The following ADAMTSL2 variants were observed in gnomAD, a reference collection of about 807,000 sequenced individuals.
ADAMTSL2 encodes ADAMTS-like protein 2.
A neutral mutation model predicts 117.0 loss-of-function variants in ADAMTSL2; 55 were observed. The ratio of observed to expected loss-of-function variants is 0.47; its 90% confidence interval spans 0.38 to 0.59. The LOEUF (loss-of-function observed/expected upper bound fraction) is 0.59. Among genes scored for constraint, ADAMTSL2 ranks in the 20% least tolerant of loss-of-function variants. The pLI is 0.00. For missense variants in ADAMTSL2, 1,182 were observed against 1,354.5 expected, an observed-to-expected ratio of 0.87 and a Z score of 2.00; for synonymous variants, 572 against 566.4, an observed-to-expected ratio of 1.01 and a Z score of -0.14.
At chr9:133,569,275 A>T in intron 15 of ADAMTSL2, 133 bp from the exon 16 acceptor site, 1 of 811,466 alleles carries the variant, frequency 1.2e-6, no homozygotes, top group African/African-American at 1.7e-5. Context: ...AATGTTATTT[A>T]AAAAGTGGTT....
In ADAMTSL2 at chr9:133,567,005, C is replaced by T; in HGVS notation, c.1817C>T (p.Ala606Val). The T allele has an allele frequency of 2.5e-6, 4 of 1,611,564 alleles. No individual in the cohort carries two copies. The highest frequency in any genetic ancestry group is 3.4e-6 in the Non-Finnish European group (4 of 1,179,584). Residue 606 changes from alanine to valine, a missense_variant, in exon 13 of 19, where the codon GCC becomes GTC. Coordinates refer to ENST00000651351, the MANE Select transcript of ADAMTSL2 (RefSeq NM_014694.4). Reference sequence around the variant, plus strand: ...GAGGTGGATGACAGCTACTGTGACGCCCTGACCCGTCCCGAGCCTGTCCAC... The same window carrying T: ...GAGGTGGATGACAGCTACTGTGACGTCCTGACCCGTCCCGAGCCTGTCCAC... ...GVEVDDSYCD[A>V]LTRPEPVHEF...
chr9:133,554,974 G>A lies in ADAMTSL2; in HGVS notation c.1276+281G>A, dbSNP rs949535293. Among the ~76,000 whole-genome samples, 4 of 152,134 alleles carry A rather than the reference G, an allele frequency of 2.6e-5. No homozygotes were observed. Among genetic ancestry groups the A allele is most frequent in the South Asian group, 2.1e-4 (1 of 4,822 alleles). On this transcript the variant is annotated intron_variant, in intron 10 of 18. Transcript: ENST00000651351. The surrounding 1 kb of genome is among the most constrained non-coding windows in gnomAD (Gnocchi z 5.2). The stretch of plus-strand genomic sequence containing the variant: ...GCTTGGCCAAGTCATGCAGTCCACC[G>A]TGGAGGAGCTGGGAGTCAAATGCAG...
intron 12 of ADAMTSL2, among the ~76,000 whole-genome samples, chr9:133,562,662 C>T (rs1208128310): frequency 7.2e-6 from 1 of 139,662 alleles, no homozygotes; most frequent in Admixed American, 7.0e-5. Context: ...GTGGCGGGCA[C>T]CGGCTTGGCC....
chr9:133,547,958 G>A lies in ADAMTSL2; in HGVS notation c.939+745G>A, dbSNP rs150346819. 3.4e-3 allele frequency among the ~76,000 whole-genome samples: 517 copies of A among 152,356 alleles called. 3 individuals are homozygous for A. The highest frequency in any genetic ancestry group is 0.011 in the African/African-American group (461 of 41,590). On this transcript the variant is annotated intron_variant, in intron 9 of 18. Coordinates refer to ENST00000651351, the MANE Select transcript of ADAMTSL2 (RefSeq NM_014694.4). The stretch of plus-strand genomic sequence containing the variant: ...TCTGGTGGCTTGGTGCCTCAGCACC[G>A]AAAATATGTAAAGGACTTGTCATGT...
At position 133,534,767 on chromosome 9, in the gene ADAMTSL2, C is replaced by T. The variant is rs1348801454; in HGVS notation, c.-301C>T. 2.1e-6 allele frequency: 3 copies of T among 1,458,040 alleles called. No individual in the cohort carries two copies. Among genetic ancestry groups the T allele is most frequent in the Middle Eastern group, 2.2e-4 (1 of 4,462 alleles). 90.3% of individuals were successfully genotyped at this position (1,458,040 alleles called of 1,614,324 possible). A position where few individuals can be genotyped will look rare whatever the true frequency, so the allele number is the denominator to read the frequency against. On this transcript the variant is annotated 5_prime_UTR_variant, in exon 1 of 19. Transcript: ENST00000651351. The stretch of plus-strand genomic sequence containing the variant: ...TGCTCTTTGAAGTGGGAGAGGGAGG[C>T]GGCGCGGGGGAGGAGGGGAAGGGGA...
intron 10 of ADAMTSL2, 114 bp from the exon 11 acceptor site, chr9:133,555,444 C>A: frequency 1.4e-6 from 2 of 1,380,644 alleles, no homozygotes; most frequent in Non-Finnish European, 1.0e-6. Context: ...CTTCTGGGAG[C>A]TTCTTGGTTC....
chr9:133,568,559 C>T, intron 14 of ADAMTSL2, 44 bp from the exon 15 acceptor site: 1 of 1,556,324 alleles, frequency 6.4e-7, no homozygotes, highest in Non-Finnish European at 8.7e-7. Context: ...GAGGTGGCTA[C>T]ACCTGTGTCA....
intron 12 of ADAMTSL2, 104 bp from the exon 13 acceptor site, chr9:133,566,832 A>G (rs1830985006): frequency 2.3e-5 from 33 of 1,461,514 alleles, no homozygotes; most frequent in Non-Finnish European, 2.9e-5. Context: ...CAAGCCAGAA[A>G]GCTGAGCTGA....
At chr9:133,545,829 A>G (rs1352724552) in intron 8 of ADAMTSL2, among the ~76,000 whole-genome samples, 5 of 152,138 alleles carry the variant, frequency 3.3e-5, no homozygotes, top group Non-Finnish European at 7.4e-5. Context: ...CCCTGTGCAT[A>G]TACCTGGAAA....
intron 12 of ADAMTSL2, among the ~76,000 whole-genome samples, chr9:133,565,262 C>G (rs1227256159): frequency 1.3e-5 from 2 of 152,126 alleles, no homozygotes; most frequent in African/African-American, 4.8e-5. Flanking sequence ...CTCACAGGCT[C>G]TCTGGAAGGT....
chr9:133,543,733 C>T (rs754970347), intron 7 of ADAMTSL2, among the ~76,000 whole-genome samples: 1 of 152,248 alleles, frequency 6.6e-6, no homozygotes, highest in Non-Finnish European at 1.5e-5. Context: ...CTGGAGAGCC[C>T]CTTCTTTCCT....
intron 12 of ADAMTSL2, among the ~76,000 whole-genome samples, chr9:133,562,594 C>T (rs1377504151): frequency 9.2e-6 from 1 of 108,162 alleles, no homozygotes; most frequent in East Asian, 2.1e-4. Context: ...CGGCTCGCAC[C>T]GCCGTGGGCG....
chr9:133,555,513 A>C, intron 10 of ADAMTSL2, 45 bp from the exon 11 acceptor site: 1 of 1,612,078 alleles, frequency 6.2e-7, no homozygotes, highest in Non-Finnish European at 8.5e-7. Flanking sequence ...CCTTGCCCCC[A>C]GGGCTCGGAT....
chr9:133,574,874 C>T lies in ADAMTSL2; in HGVS notation c.*10C>T. 3 of 1,593,152 alleles carry T rather than the reference C, an allele frequency of 1.9e-6. No individual in the cohort carries two copies. The highest frequency in any genetic ancestry group is 2.6e-6 in the Non-Finnish European group (3 of 1,163,888). On this transcript the variant is annotated 3_prime_UTR_variant, in exon 19 of 19. Transcript: ENST00000651351. ...GCCCCCCCACTCCTAGGCCCGGCAG[C>T]TGCAGCCCCTTCCAGATGAAGACCA...
intron 8 of ADAMTSL2, among the ~76,000 whole-genome samples, chr9:133,546,191 C>T (rs1009355078): frequency 6.6e-6 from 1 of 152,140 alleles, no homozygotes; most frequent in African/African-American, 2.4e-5. Flanking sequence ...ATCAGTTCCC[C>T]TTGAAACCCC....
rs1830668142 is a variant in ADAMTSL2, at chr9:133,558,992, G to A, written c.1650-2206G>A. On this transcript the variant is annotated intron_variant, in intron 11 of 18. Coordinates refer to ENST00000651351, the MANE Select transcript of ADAMTSL2 (RefSeq NM_014694.4). This position sits in a 1 kb window ranked among gnomAD's most constrained non-coding sequence, Gnocchi z 4.3. Reference sequence around the variant, plus strand: ...CAAAGGGTTATTTTGAACCGGGCCCGCTCTCTCTTGAGTCAGGCATGAGTC... The same window carrying A: ...CAAAGGGTTATTTTGAACCGGGCCCACTCTCTCTTGAGTCAGGCATGAGTC... Among the ~76,000 whole-genome samples, 2 of 152,168 alleles carry A rather than the reference G, an allele frequency of 1.3e-5. No homozygotes were observed. The highest frequency in any genetic ancestry group is 4.8e-5 in the African/African-American group (2 of 41,432).
rs1830056413 is a variant in ADAMTSL2, at chr9:133,536,551, C to T, written c.-150-12C>T. The T allele has an allele frequency of 6.4e-7, 1 of 1,552,578 alleles. No homozygotes were observed. Among genetic ancestry groups the T allele is most frequent in the African/African-American group, 1.4e-5 (1 of 73,506 alleles). On this transcript the variant is annotated splice_polypyrimidine_tract_variant and intron_variant, in intron 1 of 18. Coordinates refer to ENST00000651351, the MANE Select transcript of ADAMTSL2 (RefSeq NM_014694.4). ...GCCTAGACTGAGGCGGGGGGTTCAT[C>T]CTTCCCAACAGGGTCTGCCAGACAA...
intron 18 of ADAMTSL2, 73 bp from the exon 19 acceptor site, chr9:133,574,672 TG>T: frequency 7.5e-7 from 1 of 1,327,906 alleles, no homozygotes; most frequent in Non-Finnish European, 1.1e-6. Context: ...AAACGGCACG[TG>T]GGGGTCCCTG....
chr9:133,539,682 G>GGCTGTCCCA, intron 4 of ADAMTSL2, 89 bp from the exon 5 acceptor site: 3 of 1,349,088 alleles, frequency 2.2e-6, no homozygotes, highest in Admixed American at 2.0e-5. Context: ...CGGCTGTCCC[G>GGCTGTCCCA]GCTGCAGCCA....
Sources: allele counts gnomAD v4.1 joint callset (sites outside exome capture counted in the v4.1 genomes callset), GRCh38; gene constraint gnomAD v4.1.1; non-coding constraint Gnocchi (gnomAD v3.1); transcripts MANE v1.5; gene names NCBI Gene and HGNC (gene_info 2026-07-23, HGNC 2026-07-21).